ERBB4: variants seen among roughly 807,000 people sequenced by gnomAD.
ERBB4 encodes receptor tyrosine-protein kinase erbB-4.
In ERBB4, 42 loss-of-function variants were observed where a neutral mutation model predicts 158.0. That is an observed-to-expected ratio of 0.27 (90% CI 0.21 to 0.34). The LOEUF (loss-of-function observed/expected upper bound fraction) is 0.34, where lower values mean the gene tolerates loss of function less well. Among genes scored for constraint, ERBB4 ranks in the 10% least tolerant of loss-of-function variants. The pLI is 1.00. For missense variants in ERBB4, 1,333 were observed against 1,624.1 expected (o/e 0.82, Z 3.08); for synonymous variants, 583 against 558.7 (o/e 1.04, Z -0.61).
chr2:212,310,696 G>A (rs2106236120), intron 1 of ERBB4, among the ~76,000 whole-genome samples: 1 of 149,444 alleles, frequency 6.7e-6, no homozygotes, highest in Non-Finnish European at 1.5e-5. Flanking sequence ...AAAATTGGGA[G>A]AAAAATTAAC....
intron 20 of ERBB4, among the ~76,000 whole-genome samples, chr2:211,434,529 T>C (rs1559164689): frequency 1.3e-5 from 2 of 152,168 alleles, no homozygotes; most frequent in Admixed American, 6.5e-5. Context: ...TCCAAAACTA[T>C]GAGAAATAAA....
intron 2 of ERBB4, among the ~76,000 whole-genome samples, chr2:212,005,848 G>T (rs904678860): frequency 6.6e-6 from 1 of 152,164 alleles, no homozygotes; most frequent in Non-Finnish European, 1.5e-5. Context: ...CACTTTGGGA[G>T]TCCAAGGCGG....
intron 1 of ERBB4, among the ~76,000 whole-genome samples, chr2:212,207,313 T>C (rs1212730823): frequency 1.3e-5 from 2 of 152,190 alleles, no homozygotes; most frequent in Non-Finnish European, 2.9e-5. Context: ...TAAGCAATGA[T>C]AGTTGATCAC....
chr2:211,929,941 T>A (rs2080128214), intron 3 of ERBB4, among the ~76,000 whole-genome samples: 1 of 152,198 alleles, frequency 6.6e-6, no homozygotes, highest in Non-Finnish European at 1.5e-5. Flanking sequence ...TTTTGCTATA[T>A]CTCTCTCTGG....
chr2:211,787,340 T>C (rs989516578), intron 4 of ERBB4, among the ~76,000 whole-genome samples: 5 of 152,186 alleles, frequency 3.3e-5, no homozygotes, highest in African/African-American at 1.2e-4. Flanking sequence ...TTTCAAAGGT[T>C]TAAATCATGG....
intron 2 of ERBB4, among the ~76,000 whole-genome samples, chr2:212,061,291 A>C (rs369837311): frequency 1.3e-5 from 2 of 151,564 alleles, no homozygotes; most frequent in African/African-American, 4.8e-5. Flanking sequence ...CATCTCTACT[A>C]AAAATACAAA....
chr2:211,642,074 T>C (rs1467512545), intron 16 of ERBB4, among the ~76,000 whole-genome samples: 1 of 152,130 alleles, frequency 6.6e-6, no homozygotes, highest in Admixed American at 6.6e-5. Flanking sequence ...TTGATGTGAC[T>C]CTTTAGTATT....
At chr2:211,916,456 G>A (rs923357612) in intron 3 of ERBB4, among the ~76,000 whole-genome samples, 17 of 151,980 alleles carry the variant, frequency 1.1e-4, no homozygotes, top group East Asian at 1.9e-4. Flanking sequence ...CTGGGATTAC[G>A]TGCATAAGCC....
rs1456607494 is a variant in ERBB4 at position 211,787,893 on chromosome 2, C to G, written c.556+132G>C. ...AAAGGTTGATCAGCCATTTGTTCTG[C>G]CATATATAACTGAACATTTCAATGA... On this transcript the variant is annotated intron_variant, in intron 4 of 27. Coordinates refer to ENST00000342788, the MANE Select transcript of ERBB4 (RefSeq NM_005235.3). The G allele has an allele frequency of 1.6e-5, 13 of 812,584 alleles. No homozygotes were observed. The Admixed American group carries it at 2.6e-4, about 16-fold the overall frequency. 50.3% of individuals were successfully genotyped at this position (812,584 alleles called of 1,614,324 possible).
intron 2 of ERBB4, among the ~76,000 whole-genome samples, chr2:211,972,002 T>C (rs1199535752): frequency 1.3e-5 from 2 of 152,316 alleles, no homozygotes; most frequent in African/African-American, 4.8e-5. Flanking sequence ...CATGATTCTA[T>C]ATCTAGAAAA....
At chr2:211,707,514 A>T (rs1404438038) in intron 9 of ERBB4, among the ~76,000 whole-genome samples, 2 of 152,094 alleles carry the variant, frequency 1.3e-5, no homozygotes, top group African/African-American at 4.8e-5. Flanking sequence ...CGAGTTTATT[A>T]TTTCCCTTCC....
At chr2:212,015,882 C>T (rs2076517620) in intron 2 of ERBB4, among the ~76,000 whole-genome samples, 1 of 152,142 alleles carries the variant, frequency 6.6e-6, no homozygotes, top group South Asian at 2.1e-4. Flanking sequence ...GTGTGAGGTA[C>T]TCCATTTGCA....
At chr2:211,987,196 C>T (rs2125244491) in intron 2 of ERBB4, among the ~76,000 whole-genome samples, 1 of 151,928 alleles carries the variant, frequency 6.6e-6, no homozygotes, top group Non-Finnish European at 1.5e-5. Context: ...TGGCAGATGC[C>T]TGTAGTCCCA....
chr2:211,907,908 A>T (rs1205191909), intron 3 of ERBB4, among the ~76,000 whole-genome samples: 3 of 151,790 alleles, frequency 2.0e-5, no homozygotes, highest in African/African-American at 7.2e-5. Flanking sequence ...ACCTTATGCA[A>T]AAAGTTATAC....
At chr2:212,064,917 T>A (rs1240315494) in intron 2 of ERBB4, among the ~76,000 whole-genome samples, 1 of 151,926 alleles carries the variant, frequency 6.6e-6, no homozygotes, top group African/African-American at 2.4e-5. Context: ...AAACAAACAT[T>A]GTGATTGACT....
intron 20 of ERBB4, among the ~76,000 whole-genome samples, chr2:211,454,821 G>A (rs1254615365): frequency 6.6e-6 from 1 of 152,184 alleles, no homozygotes; most frequent in Non-Finnish European, 1.5e-5. Flanking sequence ...TTCCTATTAA[G>A]CAAACAAAGA....
intron 17 of ERBB4, among the ~76,000 whole-genome samples, chr2:211,629,942 A>T (rs978489647): frequency 2.6e-5 from 4 of 152,142 alleles, no homozygotes; most frequent in Non-Finnish European, 5.9e-5. Context: ...ACCATAAAAA[A>T]CCTAGAAGAA....
intron 3 of ERBB4, among the ~76,000 whole-genome samples, chr2:211,916,548 T>C (rs1290142183): frequency 6.6e-6 from 1 of 152,114 alleles, no homozygotes; most frequent in African/African-American, 2.4e-5. Context: ...AGAAAACAAA[T>C]GCAAGAAGTG....
At chr2:211,768,524 A>G (rs935640573) in intron 4 of ERBB4, among the ~76,000 whole-genome samples, 1 of 152,168 alleles carries the variant, frequency 6.6e-6, no homozygotes, top group Non-Finnish European at 1.5e-5. Flanking sequence ...ACATGCAGAC[A>G]TTTCCATACA....
Sources: gnomAD v4.1 joint callset for allele counts (sites outside exome capture counted in the v4.1 genomes callset) on GRCh38, gnomAD v4.1.1 for gene constraint, MANE v1.5 for transcripts, NCBI Gene and HGNC (gene_info 2026-07-23, HGNC 2026-07-21) for gene names.